SERPINB7: variants seen among roughly 807,000 people sequenced by gnomAD.
SERPINB7 encodes the protein serpin B7.
A neutral mutation model predicts 37.4 loss-of-function variants in SERPINB7; 31 were observed. That is an observed-to-expected ratio of 0.83 (90% CI 0.62 to 1.12). The LOEUF is 1.12. SERPINB7 is among the 50% of genes most tolerant of loss of function. SERPINB7 has a pLI of 0.00. For synonymous variants in SERPINB7, 163 were observed against 166.1 expected (o/e 0.98, Z 0.14); for missense variants, 521 against 455.3 (o/e 1.14, Z -1.31).
At chr18:63,769,131 A>G (rs1192362539) in intron 1 of SERPINB7, among the ~76,000 whole-genome samples, 1 of 152,162 alleles carries the variant, frequency 6.6e-6, no homozygotes, top group African/African-American at 2.4e-5. Context: ...TTACAACTCA[A>G]TGACATAATG....
intron 2 of SERPINB7, among the ~76,000 whole-genome samples, chr18:63,786,753 G>A (rs1272376328): frequency 6.6e-6 from 1 of 152,030 alleles, no homozygotes; most frequent in Non-Finnish European, 1.5e-5. Context: ...CCCTACATAA[G>A]CACATGAGGG....
intron 7 of SERPINB7, 30 bp downstream of exon 7, chr18:63,801,042 G>C: frequency 5.0e-6 from 8 of 1,606,312 alleles, no homozygotes; most frequent in Non-Finnish European, 6.8e-6. Flanking sequence ...TTCACTATTG[G>C]GAAATAAGAC....
chr18:63,793,066 A>G lies in SERPINB7; in HGVS notation c.220-95A>G, dbSNP rs150904550. ...TTATAGTATTTAAAAAAATTCTTTT[A>G]TGGTATAATTTGCATGTTTTGTTTT... On this transcript the variant is annotated intron_variant, in intron 3 of 7. Coordinates refer to ENST00000398019, the MANE Select transcript of SERPINB7 (RefSeq NM_003784.4). 6.3e-4 allele frequency: 352 copies of G among 555,606 alleles called. 1 individual carries two copies. Among genetic ancestry groups the G allele is most frequent in the African/African-American group, 6.0e-3 (312 of 51,758 alleles). 34.4% of individuals were successfully genotyped at this position (555,606 alleles called of 1,614,324 possible). A position where few individuals can be genotyped will look rare whatever the true frequency, so the allele number is the denominator to read the frequency against.
chr18:63,775,338 C>T (rs914295455), upstream of SERPINB7: 3 of 152,096 alleles, frequency 2.0e-5, no homozygotes, highest in Admixed American at 1.3e-4. Context: ...TGGTTCAAAA[C>T]CTAAATGCTT....
chr18:63,798,614 G>C lies in SERPINB7; in HGVS notation c.465G>C (p.Lys155Asn), dbSNP rs755184550. The C allele has an allele frequency of 5.2e-6, 8 of 1,545,146 alleles. No individual in the cohort carries two copies. In the Admixed American group the frequency reaches 1.6e-4, roughly 31 times the overall value. ...TTTTTTTTTCAAAAGGCAAAATCAAGAACGTGATTGGTGAAGGTGGCATAA... is the reference window on the plus strand; with the variant it reads ...TTTTTTTTTCAAAAGGCAAAATCAACAACGTGATTGGTGAAGGTGGCATAA... ...WVENETHGKI[K>N]NVIGEGGISS... Residue 155 changes from lysine (K) to asparagine (N), a missense_variant, in exon 6 of 8, where the codon AAG becomes AAC. Physicochemically the swap from Lys to Asn is moderately conservative, Grantham distance 94. Coordinates refer to ENST00000398019, the MANE Select transcript of SERPINB7 (RefSeq NM_003784.4).
At chr18:63,800,364 A>C (rs111872845) in intron 6 of SERPINB7, among the ~76,000 whole-genome samples, 152 of 152,220 alleles carry the variant, frequency 1.0e-3, no homozygotes, top group African/African-American at 3.4e-3. Flanking sequence ...GCCTGGTCTT[A>C]AATCATGTAA....
upstream of SERPINB7, among the ~76,000 whole-genome samples, chr18:63,770,794 A>G (rs143524966): frequency 1.1e-3 from 162 of 152,146 alleles, no homozygotes; most frequent in African/African-American, 3.7e-3. Flanking sequence ...ATAGAGTTCA[A>G]TAGATTCATA....
chr18:63,777,446 A>G (rs948209742), intron 1 of SERPINB7, among the ~76,000 whole-genome samples: 10 of 152,068 alleles, frequency 6.6e-5, no homozygotes, highest in African/African-American at 2.4e-4. Context: ...ACAATAACAA[A>G]AATCAGTAAC....
chr18:63,756,437 T>A (rs1167763380), intron 1 of SERPINB7, among the ~76,000 whole-genome samples: 2 of 152,208 alleles, frequency 1.3e-5, no homozygotes, highest in Non-Finnish European at 2.9e-5. Context: ...TGTGAGTGGT[T>A]TAGTTCCAGA....
At chr18:63,776,591 G>T (rs78468689) in intron 1 of SERPINB7, among the ~76,000 whole-genome samples, 1 of 150,300 alleles carries the variant, frequency 6.7e-6, no homozygotes, top group Non-Finnish European at 1.5e-5. Flanking sequence ...AAGATAGTGC[G>T]AATTGAAAGA....
At chr18:63,757,608 A>G (rs76093373) in intron 1 of SERPINB7, among the ~76,000 whole-genome samples, 97 of 152,352 alleles carry the variant, frequency 6.4e-4, no homozygotes, top group Non-Finnish European at 1.2e-3. Flanking sequence ...ATTTGCTTAC[A>G]TATTTCCTAT....
upstream of SERPINB7, among the ~76,000 whole-genome samples, chr18:63,773,743 C>T (rs1196909186): frequency 6.6e-6 from 1 of 152,124 alleles, no homozygotes; most frequent in Non-Finnish European, 1.5e-5. Flanking sequence ...TGTAACACGC[C>T]AGTCCACATG....
intron 3 of SERPINB7, 44 bp downstream of exon 3, chr18:63,792,487 G>C (rs1433443721): frequency 1.5e-6 from 2 of 1,308,624 alleles, no homozygotes; most frequent in South Asian, 2.4e-5. Context: ...GGTGAGCCAG[G>C]TGCAGGGGCT....
chr18:63,776,809 G>C (rs1397912404), intron 1 of SERPINB7, among the ~76,000 whole-genome samples: 3 of 151,702 alleles, frequency 2.0e-5, no homozygotes, highest in Non-Finnish European at 2.9e-5. Flanking sequence ...GCTTTCTCTG[G>C]AGTTAATAAT....
At chr18:63,754,354 A>G (rs2049108431) in intron 1 of SERPINB7, among the ~76,000 whole-genome samples, 1 of 152,242 alleles carries the variant, frequency 6.6e-6, no homozygotes, top group African/African-American at 2.4e-5. Flanking sequence ...GGTTTGTTAC[A>G]AAATGAAAAC....
chr18:63,782,437 A>T lies in SERPINB7; in HGVS notation c.65A>T (p.Asn22Ile). 1 of 1,614,216 alleles carries T rather than the reference A, an allele frequency of 6.2e-7. No homozygotes were observed. ...CFNLFREMDD[N>I]QGNGNVFFSS... is the part of the protein sequence containing the mutation. The stretch of plus-strand genomic sequence containing the variant: ...AACCTGTTCAGAGAGATGGATGACA[A>T]TCAAGGAAATGGAAATGTGTTCTTT... Residue 22 changes from asparagine to isoleucine, a missense_variant, in exon 2 of 8, where the codon AAT (asparagine) becomes ATT (isoleucine). Transcript: ENST00000398019.
Position 63,782,481 on chromosome 18 carries a change from G to T in SERPINB7, c.109G>T (p.Ala37Ser). The T allele has an allele frequency of 6.2e-7, 1 of 1,614,022 alleles. No homozygotes were observed. The highest frequency in any genetic ancestry group is 8.5e-7 in the Non-Finnish European group (1 of 1,179,968). ...GTTCTTTTCCTCTCTGAGCCTCTTC[G>T]CTGCCCTGGCCCTGGTCCGCTTGGG... Reference protein sequence around the residue: ...NVFFSSLSLFAALALVRLGAQ... With the variant: ...NVFFSSLSLFSALALVRLGAQ... The change falls in exon 2 of 8, where the codon GCT becomes TCT. Residue 37 changes from alanine to serine, a missense_variant. By Grantham distance (99) the Ala-to-Ser change is moderately conservative. Coordinates refer to ENST00000398019, the MANE Select transcript of SERPINB7 (RefSeq NM_003784.4).
chr18:63,777,014 C>A (rs943729911), intron 1 of SERPINB7, among the ~76,000 whole-genome samples: 1 of 151,860 alleles, frequency 6.6e-6, no homozygotes, highest in Non-Finnish European at 1.5e-5. Context: ...AATCATACAA[C>A]GAAAATAAAG....
At chr18:63,788,526 A>G (rs1180206907) in intron 2 of SERPINB7, among the ~76,000 whole-genome samples, 1 of 152,218 alleles carries the variant, frequency 6.6e-6, no homozygotes, top group South Asian at 2.1e-4. Flanking sequence ...AAGTAAGCCA[A>G]AGTTAACTTA....
Sources: gnomAD v4.1 joint callset for allele counts (sites outside exome capture counted in the v4.1 genomes callset) on GRCh38, gnomAD v4.1.1 for gene constraint, MANE v1.5 for transcripts, NCBI Gene and HGNC (gene_info 2026-07-23, HGNC 2026-07-21) for gene names.